Variants in PTGES3 observed in about 807,000 individuals in gnomAD.
PTGES3 encodes the protein Hsp90 co-chaperone.
A neutral mutation model predicts 29.9 loss-of-function variants in PTGES3; 5 were observed. The observed-to-expected ratio is 0.17, with a 90% CI of 0.09 to 0.35. The LOEUF (loss-of-function observed/expected upper bound fraction) is 0.35, where lower values mean the gene tolerates loss of function less well. Among genes scored for constraint, PTGES3 ranks in the 10% least tolerant of loss-of-function variants. The pLI, the probability that PTGES3 is intolerant of heterozygous loss-of-function variation, is 1.00. For missense variants in PTGES3, 128 were observed against 190.0 expected (o/e 0.67, Z 1.92); for synonymous variants, 49 against 57.8 (o/e 0.85, Z 0.69).
Position 56,664,361 on chromosome 12 carries a change from A to C in PTGES3, c.*118T>G, listed in dbSNP as rs1951714072. On this transcript the variant is annotated 3_prime_UTR_variant, in exon 8 of 8. Coordinates refer to ENST00000262033, the MANE Select transcript of PTGES3 (RefSeq NM_006601.7). ...AACAAACAGGTTGAAAAATGGGTTA[A>C]AGTAGGCAAATACAGCATATCTGCC... 8.2e-7 allele frequency: 1 copy of C among 1,214,456 alleles called. No homozygotes were observed. Among genetic ancestry groups the C allele is most frequent in the Non-Finnish European group, 1.2e-6 (1 of 849,066 alleles). The allele number at this position is 1,214,456 out of a possible 1,614,324, so 75.2% of individuals were successfully genotyped here. A position where few individuals can be genotyped will look rare whatever the true frequency, so the allele number is the denominator to read the frequency against.
chr12:56,683,859 T>G (rs1952691482), intron 1 of PTGES3, among the ~76,000 whole-genome samples: 1 of 140,044 alleles, frequency 7.1e-6, no homozygotes, highest in Non-Finnish European at 1.5e-5. Flanking sequence ...CTCGGGAGGC[T>G]GAGGCAAGAG....
chr12:56,684,426 T>C (rs1264532115), intron 1 of PTGES3, among the ~76,000 whole-genome samples: 1 of 152,196 alleles, frequency 6.6e-6, no homozygotes, highest in African/African-American at 2.4e-5. Flanking sequence ...CATCAGATAC[T>C]CAAGTTATAG....
intron 1 of PTGES3, chr12:56,687,169 C>A: frequency 3.9e-6 from 4 of 1,037,456 alleles, no homozygotes; most frequent in Non-Finnish European, 4.8e-6. Flanking sequence ...AATTTAAGAT[C>A]TTTGGGACGA....
chr12:56,665,893 T>TA, intron 6 of PTGES3: 1 of 967,636 alleles, frequency 1.0e-6, no homozygotes, highest in Non-Finnish European at 1.2e-6. Context: ...CCTGCTGGGA[T>TA]AACAGACATG....
chr12:56,673,190 AT>A, intron 1 of PTGES3, 125 bp from the exon 2 acceptor site: 1 of 588,362 alleles, frequency 1.7e-6, no homozygotes, highest in Non-Finnish European at 2.9e-6. Flanking sequence ...CAAAAACTAC[AT>A]TTTTACCCTA....
In PTGES3 at chr12:56,665,121, TAGA is replaced by T. The variant is rs1565857360; in HGVS notation, c.439-324_439-322del. ...ATCAATATGAAGAAAAATGGACTGA[TAGA>T]AGACAGTGAACTCTAATCCTAGCTG... On this transcript the variant is annotated intron_variant, in intron 6 of 7. Coordinates refer to ENST00000262033, the MANE Select transcript of PTGES3 (RefSeq NM_006601.7). 3.0e-6 allele frequency: 3 copies of T among 985,212 alleles called. No homozygotes were observed. In the African/African-American group the frequency reaches 5.2e-5, roughly 17 times the overall value. 61.0% of individuals were successfully genotyped at this position (985,212 alleles called of 1,614,324 possible).
intron 3 of PTGES3, 70 bp from the exon 4 acceptor site, chr12:56,671,917 T>A: frequency 1.1e-6 from 1 of 892,536 alleles, no homozygotes; most frequent in African/African-American, 1.7e-5. Context: ...TAGCTTGTCA[T>A]TTCTCACCTT....
In PTGES3 at chr12:56,680,013, T is replaced by A. The variant is rs536475900; in HGVS notation, c.3-6948A>T. Among the ~76,000 whole-genome samples, 4 of 151,898 alleles carry A rather than the reference T, an allele frequency of 2.6e-5. No individual in the cohort carries two copies. In the South Asian group the frequency reaches 8.3e-4, roughly 32 times the overall value. ...AATAGGAGAAAAAGAGATGGTGTAA[T>A]CCTCATGGAAGGCAAAAGGAGATTT... On this transcript the variant is annotated intron_variant, in intron 1 of 7. Transcript: ENST00000262033.
At chr12:56,669,438 T>C (rs1951914549) in intron 5 of PTGES3, among the ~76,000 whole-genome samples, 1 of 152,154 alleles carries the variant, frequency 6.6e-6, no homozygotes, top group South Asian at 2.1e-4. Flanking sequence ...CGCCCGCCAC[T>C]GCACCCGGCT....
intron 1 of PTGES3, chr12:56,687,704 T>A: frequency 7.5e-7 from 1 of 1,340,240 alleles, no homozygotes; most frequent in African/African-American, 1.5e-5. Context: ...GCTTAAGGCC[T>A]AGGGTGAAGT....
At chr12:56,665,831 T>C in intron 6 of PTGES3, 1 of 768,952 alleles carries the variant, frequency 1.3e-6, no homozygotes, top group African/African-American at 1.9e-5. Flanking sequence ...GGTTTCACCA[T>C]GTTGGCCAGG....
intron 5 of PTGES3, among the ~76,000 whole-genome samples, chr12:56,668,800 G>T (rs1951880626): frequency 6.6e-6 from 1 of 151,726 alleles, no homozygotes; most frequent in African/African-American, 2.4e-5. Context: ...ACAAGAAATG[G>T]ATTTCATCAG....
intron 6 of PTGES3, chr12:56,665,808 G>A (rs1951763666): frequency 1.4e-6 from 1 of 719,614 alleles, no homozygotes; most frequent in Non-Finnish European, 1.7e-6. Context: ...GTCTGGCTAA[G>A]TTTTTAAGAC....
chr12:56,668,328 T>C (rs1156633562), intron 5 of PTGES3, among the ~76,000 whole-genome samples: 2 of 152,198 alleles, frequency 1.3e-5, no homozygotes, highest in Non-Finnish European at 2.9e-5. Context: ...AGCATAACGC[T>C]ACGTGCTTAA....
chr12:56,671,626 CAT>C, intron 4 of PTGES3, 121 bp downstream of exon 4: 2 of 496,742 alleles, frequency 4.0e-6, no homozygotes, highest in Non-Finnish European at 7.0e-6. Flanking sequence ...AAAACATGAA[CAT>C]GAGGCTTTAT....
At chr12:56,682,660 T>A (rs916263646) in intron 1 of PTGES3, among the ~76,000 whole-genome samples, 8 of 145,436 alleles carry the variant, frequency 5.5e-5, no homozygotes, top group Non-Finnish European at 3.0e-5. Context: ...GGAAGATCAC[T>A]TGAGCCCAGG....
At chr12:56,667,453 G>A (rs986294211) in intron 5 of PTGES3, among the ~76,000 whole-genome samples, 1 of 152,164 alleles carries the variant, frequency 6.6e-6, no homozygotes. Flanking sequence ...AACATACAAT[G>A]GAATGTGTTC....
Position 56,688,097 on chromosome 12 carries a change from T to G in PTGES3, c.-98A>C, listed in dbSNP as rs1030084678. ...CTTCTCTCCGGTGGCGACTCCGCTT[T>G]TTCTCTCCGGTCGCGGCCTCTTCTC... On this transcript the variant is annotated 5_prime_UTR_variant, in exon 1 of 8. Transcript: ENST00000262033. The G allele has an allele frequency of 2.5e-5, 36 of 1,434,982 alleles. No homozygotes were observed. The highest frequency in any genetic ancestry group is 2.8e-5 in the Admixed American group (1 of 36,322). The allele number at this position is 1,434,982 out of a possible 1,614,324, so 88.9% of individuals were successfully genotyped here. A position where few individuals can be genotyped will look rare whatever the true frequency, so the allele number is the denominator to read the frequency against.
chr12:56,666,006 G>C (rs1951769735), intron 6 of PTGES3, 198 bp downstream of exon 6: 4 of 1,320,030 alleles, frequency 3.0e-6, no homozygotes, highest in Admixed American at 3.5e-5. Context: ...ATTTAGGAAT[G>C]GTCTACGGTA....
Sources: gnomAD v4.1 joint callset for allele counts (sites outside exome capture counted in the v4.1 genomes callset) on GRCh38, gnomAD v4.1.1 for gene constraint, MANE v1.5 for transcripts, NCBI Gene and HGNC (gene_info 2026-07-23, HGNC 2026-07-21) for gene names.